Variants in SPATA31H1 observed in about 807,000 individuals in gnomAD.
SPATA31H1 encodes spermatogenesis-associated protein 31H1.
At chr2:27,556,366 C>A in the SPATA31H1 span, among the ~76,000 whole-genome samples, 1 of 150,888 alleles carries the variant, frequency 6.6e-6, no homozygotes, top group African/African-American at 2.5e-5. Flanking sequence ...AGACAGTTAC[C>A]ATATACTCCC....
chr2:27,578,714 T>C, the SPATA31H1 span: 1 of 1,614,158 alleles, frequency 6.2e-7, no homozygotes, highest in Admixed American at 1.7e-5. Flanking sequence ...ATAGGGACTG[T>C]CAGAAGTTAA....
At chr2:27,564,293 T>C in the SPATA31H1 span, among the ~76,000 whole-genome samples, 2 of 152,212 alleles carry the variant, frequency 1.3e-5, no homozygotes, top group Non-Finnish European at 2.9e-5. Context: ...GTAGCACTTT[T>C]GAGAATTCTG....
the SPATA31H1 span, chr2:27,577,636 G>A: frequency 6.2e-7 from 1 of 1,614,094 alleles, no homozygotes; most frequent in South Asian, 1.1e-5. This position sits in a 1 kb window ranked among gnomAD's most constrained non-coding sequence, Gnocchi z 4.5. Flanking sequence ...CCTGGGTTAG[G>A]ACATCGAGTT....
chr2:27,575,877 T>C, the SPATA31H1 span: 1 of 398,526 alleles, frequency 2.5e-6, no homozygotes, highest in Non-Finnish European at 4.4e-6. This position sits in a 1 kb window ranked among gnomAD's most constrained non-coding sequence, Gnocchi z 4.1. Context: ...AGGTATGAAA[T>C]CGCCTGAATT....
At chr2:27,563,969 GC>G in the SPATA31H1 span, among the ~76,000 whole-genome samples, 1 of 152,182 alleles carries the variant, frequency 6.6e-6, no homozygotes, top group African/African-American at 2.4e-5. Context: ...CTCCTGCCTA[GC>G]CTCCCAAAGT....
chr2:27,541,057 T>C, the SPATA31H1 span, among the ~76,000 whole-genome samples: 6 of 142,510 alleles, frequency 4.2e-5, no homozygotes, highest in South Asian at 1.1e-3. Context: ...GTGGAGGTTG[T>C]AGCGAGCCAA....
chr2:27,565,557 C>T, the SPATA31H1 span: 492 of 614,080 alleles, frequency 8.0e-4, 4 homozygotes, highest in African/African-American at 7.0e-3. Context: ...TGTATGTATA[C>T]GGCTCCATAA....
the SPATA31H1 span, chr2:27,580,665 C>A: frequency 1.2e-6 from 2 of 1,614,222 alleles, no homozygotes; most frequent in Non-Finnish European, 1.7e-6. Flanking sequence ...CCAAACAGCA[C>A]ACAGAGTTAT....
At chr2:27,575,977 C>G in the SPATA31H1 span, 1 of 398,664 alleles carries the variant, frequency 2.5e-6, no homozygotes, top group African/African-American at 2.1e-5. The surrounding 1 kb of genome is among the most constrained non-coding windows in gnomAD (Gnocchi z 4.1). Context: ...ATGTTCAACC[C>G]TATACCACAT....
At chr2:27,538,687 C>T in the SPATA31H1 span, among the ~76,000 whole-genome samples, 1 of 151,980 alleles carries the variant, frequency 6.6e-6, no homozygotes, top group Non-Finnish European at 1.5e-5. Flanking sequence ...CTAAATTAGC[C>T]AGGCGTGGTG....
chr2:27,566,826 T>C, the SPATA31H1 span: 1 of 717,892 alleles, frequency 1.4e-6, no homozygotes, highest in Admixed American at 2.0e-5. Context: ...GACTGTTCTA[T>C]GCTGTTGTGA....
the SPATA31H1 span, chr2:27,565,214 G>C: frequency 1.6e-6 from 1 of 628,188 alleles, no homozygotes; most frequent in South Asian, 2.0e-5. Context: ...GATGCCAACT[G>C]TATCAATATC....
At chr2:27,539,880 A>C in the SPATA31H1 span, among the ~76,000 whole-genome samples, 5 of 100,398 alleles carry the variant, frequency 5.0e-5, no homozygotes, top group African/African-American at 1.1e-4. Context: ...GATCCCCCCC[A>C]CCTCCCTCCC....
the SPATA31H1 span, chr2:27,579,069 G>A: frequency 6.2e-7 from 1 of 1,614,008 alleles, no homozygotes; most frequent in Non-Finnish European, 8.5e-7. Context: ...GCAAATGGAG[G>A]AGCTAGAGAA....
the SPATA31H1 span, among the ~76,000 whole-genome samples, chr2:27,544,836 C>A: frequency 1.3e-5 from 2 of 151,872 alleles, no homozygotes; most frequent in Non-Finnish European, 2.9e-5. Context: ...GCCTAAGCCA[C>A]TTCATCCGGC....
chr2:27,570,422 A>G, the SPATA31H1 span: 3 of 398,964 alleles, frequency 7.5e-6, no homozygotes, highest in Non-Finnish European at 1.3e-5. Context: ...CAAAGCTGCA[A>G]GGTGTCAATT....
chr2:27,572,447 G>T, the SPATA31H1 span: 1 of 397,890 alleles, frequency 2.5e-6, no homozygotes, highest in Non-Finnish European at 4.4e-6. Context: ...CCATACAGTT[G>T]GGAGATATGA....
the SPATA31H1 span, among the ~76,000 whole-genome samples, chr2:27,539,759 C>G: frequency 1.7e-5 from 1 of 60,370 alleles, no homozygotes; most frequent in Non-Finnish European, 3.0e-5. Context: ...ACCCCCCCCG[C>G]CCCCGGACGG....
chr2:27,578,391 G>A, the SPATA31H1 span: 1 of 1,614,160 alleles, frequency 6.2e-7, no homozygotes, highest in Non-Finnish European at 8.5e-7. Flanking sequence ...TGAGGAGTTA[G>A]CACCAGGACC....
Sources: gnomAD v4.1 joint callset for allele counts (sites outside exome capture counted in the v4.1 genomes callset) on GRCh38, gnomAD v4.1.1 for gene constraint, Gnocchi (gnomAD v3.1) non-coding constraint, MANE v1.5 for transcripts, NCBI Gene and HGNC (gene_info 2026-07-23, HGNC 2026-07-21) for gene names.